Variants in LRRC63 observed in about 807,000 individuals in gnomAD.
The protein encoded by LRRC63 is leucine rich repeat containing 63.
In LRRC63, 40 loss-of-function variants were observed where a neutral mutation model predicts 49.5. The observed-to-expected ratio is 0.81, with a 90% CI of 0.63 to 1.05. The LOEUF (loss-of-function observed/expected upper bound fraction) is 1.05, where lower values mean the gene tolerates loss of function less well. LRRC63 is among the 50% of genes least tolerant of loss of function. LRRC63 has a pLI of 0.00. For missense variants in LRRC63, 636 were observed against 663.1 expected (o/e 0.96, Z 0.45); for synonymous variants, 191 against 221.1 (o/e 0.86, Z 1.21).
intron 7 of LRRC63, among the ~76,000 whole-genome samples, chr13:46,258,088 T>C (rs906204531): frequency 6.6e-6 from 1 of 151,158 alleles, no homozygotes; most frequent in African/African-American, 2.4e-5. Context: ...TTCTGTCCCA[T>C]ATATGCTACA....
intron 9 of LRRC63, chr13:46,270,105 C>T (rs1404541233): frequency 3.3e-5 from 21 of 642,878 alleles, no homozygotes; most frequent in Non-Finnish European, 5.4e-5. Flanking sequence ...ACCGCAGAGC[C>T]GGTGGTGCCT....
intron 7 of LRRC63, among the ~76,000 whole-genome samples, chr13:46,259,722 A>G (rs1445893746): frequency 2.0e-5 from 3 of 152,312 alleles, no homozygotes; most frequent in Admixed American, 1.3e-4. Context: ...AATTGGATAC[A>G]TTGCTTAACC....
At chr13:46,237,073 G>A (rs890413154) in intron 5 of LRRC63, among the ~76,000 whole-genome samples, 5 of 152,032 alleles carry the variant, frequency 3.3e-5, no homozygotes, top group Non-Finnish European at 7.4e-5. Flanking sequence ...ATGTGAGGAG[G>A]GAATTAATGT....
intron 6 of LRRC63, among the ~76,000 whole-genome samples, chr13:46,247,816 G>A (rs2047256761): frequency 6.6e-6 from 1 of 152,048 alleles, no homozygotes; most frequent in Non-Finnish European, 1.5e-5. Flanking sequence ...ATGGGAGAAG[G>A]TAGAAGCAGA....
rs2046847311 is a variant in LRRC63 at position 46,234,351 on chromosome 13, T to C, written c.990+2T>C. 2 of 1,549,006 alleles carry C rather than the reference T, an allele frequency of 1.3e-6. No individual in the cohort carries two copies. Among genetic ancestry groups the C allele is most frequent in the African/African-American group, 2.7e-5 (2 of 72,982 alleles). On this transcript the variant is annotated splice_donor_variant, in intron 5 of 9. Transcript: ENST00000595396. LOFTEE classifies it high-confidence loss of function. The stretch of plus-strand genomic sequence containing the variant: ...GGGAGAAATGCACTTAATCTGAAGG[T>C]ATGCTAGATCTTTTTAATGACAGTG...
intron 7 of LRRC63, among the ~76,000 whole-genome samples, chr13:46,260,801 T>C (rs1043664064): frequency 6.6e-6 from 1 of 152,108 alleles, no homozygotes; most frequent in African/African-American, 2.4e-5. Context: ...CAGAGGAATA[T>C]GGGGGATTGT....
chr13:46,250,343 T>A lies in LRRC63; in HGVS notation c.1090-12T>A. On this transcript the variant is annotated splice_polypyrimidine_tract_variant and intron_variant, in intron 6 of 9. Coordinates refer to ENST00000595396, the Ensembl canonical transcript of LRRC63. ...ATTCCGCTCATGTTTGTTTCTCTTT[T>A]CTGTTCCCCAGATATTATGTCTTAA... 5 of 1,477,092 alleles carry A rather than the reference T, an allele frequency of 3.4e-6. No homozygotes were observed. Among genetic ancestry groups the A allele is most frequent in the Non-Finnish European group, 4.6e-6 (5 of 1,094,626 alleles). 91.5% of individuals were successfully genotyped at this position (1,477,092 alleles called of 1,614,324 possible).
At chr13:46,213,560 G>A (rs920549568) in intron 2 of LRRC63, among the ~76,000 whole-genome samples, 2 of 152,106 alleles carry the variant, frequency 1.3e-5, no homozygotes, top group African/African-American at 4.8e-5. Flanking sequence ...TTTCACTGTG[G>A]GCCCCAAGCA....
intron 5 of LRRC63, among the ~76,000 whole-genome samples, chr13:46,235,870 A>G (rs2046889420): frequency 6.6e-6 from 1 of 152,170 alleles, no homozygotes. Flanking sequence ...AAATGAAACT[A>G]TGGACAGAGA....
intron 7 of LRRC63, among the ~76,000 whole-genome samples, chr13:46,256,170 T>C (rs777266310): frequency 4.6e-5 from 7 of 152,236 alleles, no homozygotes; most frequent in Admixed American, 1.3e-4. Context: ...ATACCCATGA[T>C]ATACATGGGA....
At chr13:46,272,163 T>C (rs948798193) in intron 9 of LRRC63, among the ~76,000 whole-genome samples, 1 of 152,204 alleles carries the variant, frequency 6.6e-6, no homozygotes, top group African/African-American at 2.4e-5. Flanking sequence ...CTGTCCCAGG[T>C]GGGCAGTTTA....
rs1219480103 is a variant in LRRC63, at chr13:46,267,010, C to A, written c.1550+38C>A. 6.1e-6 allele frequency: 9 copies of A among 1,477,212 alleles called. No individual in the cohort carries two copies. The East Asian group carries it at 1.7e-4, about 28-fold the overall frequency. The allele number at this position is 1,477,212 out of a possible 1,614,324, so 91.5% of individuals were successfully genotyped here. On this transcript the variant is annotated intron_variant, in intron 9 of 9. Coordinates refer to ENST00000595396, the Ensembl canonical transcript of LRRC63. ...TGAAGCCCTTTTAACCAAAATATAC[C>A]TTTAAGCATTAAAATGTTCTTCATT...
intron 7 of LRRC63, among the ~76,000 whole-genome samples, chr13:46,255,549 T>G (rs926068060): frequency 1.3e-5 from 2 of 151,258 alleles, no homozygotes; most frequent in African/African-American, 4.9e-5. Context: ...GTACTTGTAG[T>G]CCCAGTTACA....
chr13:46,242,965 A>C (rs771790534), intron 5 of LRRC63, among the ~76,000 whole-genome samples: 1 of 152,238 alleles, frequency 6.6e-6, no homozygotes, highest in Non-Finnish European at 1.5e-5. Context: ...AAACATTTCA[A>C]AATATAAAAC....
intron 9 of LRRC63, among the ~76,000 whole-genome samples, chr13:46,269,724 A>G (rs78424707): frequency 0.23 from 34,030 of 150,062 alleles, 4,581 homozygotes; most frequent in East Asian, 0.35. Context: ...AGATACTATC[A>G]ATGAAATTAA....
chr13:46,220,512 C>T (rs1463272805), intron 2 of LRRC63, among the ~76,000 whole-genome samples: 2 of 152,202 alleles, frequency 1.3e-5, no homozygotes, highest in Non-Finnish European at 2.9e-5. Flanking sequence ...GTGAGAGTTG[C>T]AAGCCAGTGG....
chr13:46,227,134 A>G (rs1382752087), intron 2 of LRRC63, among the ~76,000 whole-genome samples: 2 of 152,216 alleles, frequency 1.3e-5, no homozygotes, highest in Non-Finnish European at 2.9e-5. Flanking sequence ...AGGGAGAGCT[A>G]ATGATGTATG....
At chr13:46,257,839 T>A (rs544826667) in intron 7 of LRRC63, among the ~76,000 whole-genome samples, 4 of 152,332 alleles carry the variant, frequency 2.6e-5, no homozygotes, top group African/African-American at 9.6e-5. Flanking sequence ...CTAAGCATTG[T>A]ATTTAAAAGA....
At position 46,276,854 on chromosome 13, in the gene LRRC63, A is replaced by T. The variant is rs868370283; in HGVS notation, c.*51A>T. The T allele has an allele frequency of 1.0e-3, 121 of 118,836 alleles. 1 individual carries two copies. Among genetic ancestry groups the T allele is most frequent in the Admixed American group, 1.5e-3 (15 of 9,848 alleles). The allele number at this position is 118,836 out of a possible 1,614,324, so 7.4% of individuals were successfully genotyped here. ...TATATATATATATATATATATATTT[A>T]TATATATATATATTTATATATATAT... is the stretch of plus-strand genomic sequence containing the variant. On this transcript the variant is annotated 3_prime_UTR_variant, in exon 10 of 10. Transcript: ENST00000595396.
Sources: allele counts gnomAD v4.1 joint callset (sites outside exome capture counted in the v4.1 genomes callset), GRCh38; gene constraint gnomAD v4.1.1; transcripts MANE v1.5; gene names NCBI Gene and HGNC (gene_info 2026-07-23, HGNC 2026-07-21).